The following CHRNA7 variants were observed in gnomAD, a reference collection of about 807,000 sequenced individuals.
CHRNA7 encodes neuronal acetylcholine receptor subunit alpha-7.
In CHRNA7, 17 loss-of-function variants were observed where a neutral mutation model predicts 48.0. The observed-to-expected ratio is 0.35, with a 90% CI of 0.24 to 0.53. The LOEUF (loss-of-function observed/expected upper bound fraction) is 0.53, where lower values mean the gene tolerates loss of function less well. Among genes scored for constraint, CHRNA7 ranks in the 20% least tolerant of loss-of-function variants. CHRNA7 has a pLI of 0.92. For synonymous variants in CHRNA7, 75 were observed against 242.3 expected (o/e 0.31, Z 6.41); for missense variants, 155 against 577.7 (o/e 0.27, Z 7.50).
rs1166849326 is a variant in CHRNA7, at chr15:32,083,592, GT to G, written c.196-17710del. On this transcript the variant is annotated intron_variant, in intron 2 of 9. Transcript: ENST00000306901. ...AGGGATGAGATAAGGAGGGTGGATG[GT>G]GTGGGACAGAAATTCAACTGTTAAC... 3.9e-5 allele frequency among the ~76,000 whole-genome samples: 6 copies of G among 152,284 alleles called. No individual in the cohort carries two copies. In the South Asian group the frequency reaches 1.0e-3, roughly 26 times the overall value.
Position 32,061,482 on chromosome 15 carries a change from C to G in CHRNA7, c.195+30445C>G, listed in dbSNP as rs1393800008. Reference sequence around the variant, plus strand: ...GCTATTAGGACAATTCAGAGAGAGACAAAATGTTTGAATTCACAAGAACAA... The same window carrying G: ...GCTATTAGGACAATTCAGAGAGAGAGAAAATGTTTGAATTCACAAGAACAA... On this transcript the variant is annotated intron_variant, in intron 2 of 9. Transcript: ENST00000306901. Among the ~76,000 whole-genome samples the G allele has an allele frequency of 2.6e-5, 4 of 152,098 alleles. No individual in the cohort carries two copies. The East Asian group carries it at 7.7e-4, about 29-fold the overall frequency.
At chr15:32,065,825 A>C (rs948553816) in intron 2 of CHRNA7, among the ~76,000 whole-genome samples, 1 of 151,638 alleles carries the variant, frequency 6.6e-6, no homozygotes, top group South Asian at 2.1e-4. Context: ...CACAGCACAC[A>C]GACATAGCCC....
chr15:32,146,881 A>G (rs1216726207), intron 4 of CHRNA7, among the ~76,000 whole-genome samples: 2 of 152,238 alleles, frequency 1.3e-5, no homozygotes, highest in Admixed American at 1.3e-4. Flanking sequence ...AGTAATGAGC[A>G]AGAATAGTAA....
Position 32,149,359 on chromosome 15 carries a change from G to A in CHRNA7, c.351-4548G>A, listed in dbSNP as rs549825285. Among the ~76,000 whole-genome samples, 16 of 152,114 alleles carry A rather than the reference G, an allele frequency of 1.1e-4. No individual in the cohort carries two copies. Among genetic ancestry groups the A allele is most frequent in the Admixed American group, 3.9e-4 (6 of 15,278 alleles). ...GGTCACTGTTGGCTGGCATCTGTCG[G>A]GCATCCCCGGGGAAGCTGCGCCGGT... On this transcript the variant is annotated intron_variant, in intron 4 of 9. Transcript: ENST00000306901. The surrounding 1 kb of genome is among the most constrained non-coding windows in gnomAD (Gnocchi z 4.6).
rs181473576 is a variant in CHRNA7 at position 32,098,374 on chromosome 15, C to A, written c.196-2929C>A. On this transcript the variant is annotated intron_variant, in intron 2 of 9. Transcript: ENST00000306901. ...CTCTGGGGAGGGAGGGCTTTTCTTG[C>A]CAGCCGGTCAAGGTCTTATAGGAGA... Among the ~76,000 whole-genome samples, 6 of 152,252 alleles carry A rather than the reference C, an allele frequency of 3.9e-5. No homozygotes were observed. In the East Asian group the frequency reaches 9.7e-4, roughly 25 times the overall value.
At chr15:32,050,118 T>C (rs1378507090) in intron 2 of CHRNA7, among the ~76,000 whole-genome samples, 1 of 152,192 alleles carries the variant, frequency 6.6e-6, no homozygotes, top group Non-Finnish European at 1.5e-5. Flanking sequence ...CTGACAATTA[T>C]GTGTCTTGGA....
At chr15:32,101,482 C>A in intron 3 of CHRNA7, 135 bp downstream of exon 3, 2 of 881,226 alleles carry the variant, frequency 2.3e-6, no homozygotes, top group Non-Finnish European at 3.5e-6. Context: ...AAGGCCATGG[C>A]TGTCACACCA....
At chr15:32,121,265 C>T (rs2050964866) in intron 4 of CHRNA7, among the ~76,000 whole-genome samples, 1 of 152,146 alleles carries the variant, frequency 6.6e-6, no homozygotes, top group Non-Finnish European at 1.5e-5. Flanking sequence ...TGGGGACCTA[C>T]TCTGTGTAAG....
rs550931746 is a variant in CHRNA7 at position 32,166,512 on chromosome 15, G to A, written c.991-1428G>A. The A allele has an allele frequency of 3.9e-5, 6 of 152,436 alleles. No homozygotes were observed. In the East Asian group the frequency reaches 1.2e-3, roughly 29 times the overall value. The allele number at this position is 152,436 out of a possible 1,614,324, so 9.4% of individuals were successfully genotyped here. A position where few individuals can be genotyped will look rare whatever the true frequency, so the allele number is the denominator to read the frequency against. ...CTTGTCCCCAGACCTGTTTGTTGCA[G>A]TTATCTTTGATAAGATGTTATAAAA... On this transcript the variant is annotated intron_variant, in intron 9 of 9. Transcript: ENST00000306901.
At chr15:32,090,208 T>C (rs888859504) in intron 2 of CHRNA7, among the ~76,000 whole-genome samples, 1 of 152,130 alleles carries the variant, frequency 6.6e-6, no homozygotes, top group Non-Finnish European at 1.5e-5. Context: ...GTGGGACCAG[T>C]GTAATTTCCC....
chr15:32,144,284 C>T (rs910309568), intron 4 of CHRNA7, among the ~76,000 whole-genome samples: 8 of 152,218 alleles, frequency 5.3e-5, no homozygotes, highest in Admixed American at 2.0e-4. Flanking sequence ...GAGAGATCCA[C>T]TGTTAGTCTG....
rs531322252 is a variant in CHRNA7, at chr15:32,170,059, C to G, written c.*1601C>G. ...TGTCATCCAACAACTGCTCAGAGCT[C>G]AAAATTATAGAAGGCTTCTGAGCCC... On this transcript the variant is annotated 3_prime_UTR_variant, in exon 10 of 10. Transcript: ENST00000306901. The G allele has an allele frequency of 6.3e-5, 1 of 15,922 alleles. No homozygotes were observed. The highest frequency in any genetic ancestry group is 1.7e-3 in the East Asian group (1 of 576). The allele number at this position is 15,922 out of a possible 1,614,324, so 1.0% of individuals were successfully genotyped here. A position where few individuals can be genotyped will look rare whatever the true frequency, so the allele number is the denominator to read the frequency against.
chr15:32,092,795 A>G lies in CHRNA7; in HGVS notation c.196-8508A>G, dbSNP rs555912724. Among the ~76,000 whole-genome samples the G allele has an allele frequency of 8.5e-5, 13 of 152,076 alleles. No homozygotes were observed. In the South Asian group the frequency reaches 1.2e-3, roughly 15 times the overall value. On this transcript the variant is annotated intron_variant, in intron 2 of 9. Coordinates refer to ENST00000306901, the MANE Select transcript of CHRNA7 (RefSeq NM_000746.6). Reference sequence around the variant, plus strand: ...ATTCATCTTATCCCCTTCCCTTTCTATTGGCCTTTGGAACCCACTTTGCAC... The same window carrying G: ...ATTCATCTTATCCCCTTCCCTTTCTGTTGGCCTTTGGAACCCACTTTGCAC...
chr15:32,138,969 G>T (rs2051326397), intron 4 of CHRNA7, among the ~76,000 whole-genome samples: 1 of 152,118 alleles, frequency 6.6e-6, no homozygotes, highest in Non-Finnish European at 1.5e-5. Flanking sequence ...GGCCAAGCTG[G>T]TCTCAAACTC....
intron 2 of CHRNA7, among the ~76,000 whole-genome samples, chr15:32,048,924 T>C (rs2049609962): frequency 6.6e-6 from 1 of 151,358 alleles, no homozygotes; most frequent in Non-Finnish European, 1.5e-5. Context: ...CATTTCGTTA[T>C]GTACCCAGTA....
chr15:32,097,743 C>A (rs2050496580), intron 2 of CHRNA7, among the ~76,000 whole-genome samples: 1 of 152,228 alleles, frequency 6.6e-6, no homozygotes. Context: ...TCACAGGCCT[C>A]TGGGCCAGGG....
At position 32,109,574 on chromosome 15, in the gene CHRNA7, GGCA is replaced by G. The variant is rs1397645347; in HGVS notation, c.241-2209_241-2207del. On this transcript the variant is annotated intron_variant, in intron 3 of 9. Transcript: ENST00000306901. The stretch of plus-strand genomic sequence containing the variant: ...TTGGGGCAAGGGAAAACAGCAGATG[GGCA>G]GCAGCATCAGGGAGATTGAGCCAGA... 5.9e-5 allele frequency among the ~76,000 whole-genome samples: 9 copies of G among 152,290 alleles called. No homozygotes were observed. In the East Asian group the frequency reaches 1.7e-3, roughly 29 times the overall value.
chr15:32,130,064 C>T (rs1397552293), intron 4 of CHRNA7, among the ~76,000 whole-genome samples: 1 of 152,010 alleles, frequency 6.6e-6, no homozygotes, highest in East Asian at 1.9e-4. Context: ...GCAAATATCA[C>T]ACTTTGTGTG....
chr15:32,036,091 C>T (rs1024530365), intron 2 of CHRNA7, among the ~76,000 whole-genome samples: 1 of 152,226 alleles, frequency 6.6e-6, no homozygotes, highest in Non-Finnish European at 1.5e-5. Flanking sequence ...CTGCTTATCA[C>T]TACCTTCACC....
Sources: gnomAD v4.1 joint callset for allele counts (sites outside exome capture counted in the v4.1 genomes callset) on GRCh38, gnomAD v4.1.1 for gene constraint, Gnocchi (gnomAD v3.1) non-coding constraint, MANE v1.5 for transcripts, NCBI Gene and HGNC (gene_info 2026-07-23, HGNC 2026-07-21) for gene names.